The following ANXA8 variants were observed in gnomAD, a reference collection of about 807,000 sequenced individuals.
The protein encoded by ANXA8 is annexin A8, also known as VAC-beta.
In ANXA8, 9 loss-of-function variants were observed where a neutral mutation model predicts 26.8. The observed-to-expected ratio is 0.34, with a 90% CI of 0.20 to 0.59. ANXA8 has a LOEUF of 0.59. Among genes scored for constraint, ANXA8 ranks in the 20% least tolerant of loss-of-function variants. ANXA8 has a pLI of 0.84. For synonymous variants in ANXA8, 39 were observed against 94.8 expected, an observed-to-expected ratio of 0.41 and a Z score of 3.42; for missense variants, 83 against 238.5, an observed-to-expected ratio of 0.35 and a Z score of 4.29.
chr10:47,700,585 G>T, the ANXA8 span, among the ~76,000 whole-genome samples: 2 of 151,686 alleles, frequency 1.3e-5, no homozygotes, highest in South Asian at 4.2e-4. Context: ...TGTAATCTTG[G>T]TGTAGGGAAA....
At chr10:47,653,061 C>A in the ANXA8 span, among the ~76,000 whole-genome samples, 1 of 150,906 alleles carries the variant, frequency 6.6e-6, no homozygotes, top group South Asian at 2.1e-4. Flanking sequence ...CCTATAATCC[C>A]AGCACTTTGG....
At chr10:47,955,061 G>A in the ANXA8 span, among the ~76,000 whole-genome samples, 1 of 146,034 alleles carries the variant, frequency 6.8e-6, no homozygotes, top group African/African-American at 2.5e-5. Flanking sequence ...CCCAGTGGAG[G>A]GCAATGGAAT....
chr10:47,484,192 A>G, upstream of ANXA8: 3 of 775,230 alleles, frequency 3.9e-6, no homozygotes, highest in Non-Finnish European at 6.8e-6. Flanking sequence ...GAATTACACA[A>G]CTCACTGGCA....
chr10:47,563,552 T>C, the ANXA8 span: 9 of 829,464 alleles, frequency 1.1e-5, no homozygotes, highest in South Asian at 1.2e-4. Context: ...GTTCTAAATA[T>C]ATCCCCTTCT....
the ANXA8 span, among the ~76,000 whole-genome samples, chr10:47,749,675 G>C: frequency 6.6e-6 from 1 of 151,072 alleles, no homozygotes; most frequent in African/African-American, 2.5e-5. Context: ...CAATGGTAGG[G>C]GGGGAAACGG....
the ANXA8 span, among the ~76,000 whole-genome samples, chr10:47,666,476 C>G: frequency 6.6e-6 from 1 of 151,704 alleles, no homozygotes; most frequent in Non-Finnish European, 1.5e-5. Flanking sequence ...ACTTGACAGA[C>G]CAGGGAGCAG....
the ANXA8 span, among the ~76,000 whole-genome samples, chr10:47,633,336 T>TCA: frequency 2.1e-5 from 2 of 94,982 alleles, no homozygotes; most frequent in African/African-American, 5.5e-5. Flanking sequence ...ACCCGTACGT[T>TCA]CACACACACA....
chr10:47,503,939 A>G, the ANXA8 span, among the ~76,000 whole-genome samples: 3 of 28,750 alleles, frequency 1.0e-4, no homozygotes, highest in African/African-American at 3.9e-4. Context: ...GAGTCCATCA[A>G]AAAAAAAAAA....
At chr10:47,566,310 C>A in the ANXA8 span, among the ~76,000 whole-genome samples, 2 of 150,886 alleles carry the variant, frequency 1.3e-5, no homozygotes, top group Non-Finnish European at 1.5e-5. Flanking sequence ...CCTCCCTGAT[C>A]CCCCGCCCCA....
the ANXA8 span, chr10:47,564,515 G>A: frequency 2.0e-5 from 15 of 767,230 alleles, no homozygotes; most frequent in Non-Finnish European, 3.2e-5. Flanking sequence ...AGGACGTGGT[G>A]GTCTATGACC....
chr10:47,755,565 T>TC, the ANXA8 span, among the ~76,000 whole-genome samples: 1 of 140,612 alleles, frequency 7.1e-6, no homozygotes, highest in East Asian at 2.1e-4. Flanking sequence ...CTTTTTTTTT[T>TC]TTTTTTTTTT....
At chr10:47,651,472 G>A in the ANXA8 span, among the ~76,000 whole-genome samples, 2 of 150,844 alleles carry the variant, frequency 1.3e-5, no homozygotes, top group African/African-American at 4.9e-5. Context: ...CCATTCCTAG[G>A]TCATCCCAAG....
At chr10:47,742,838 ATTCTCCCCT>A in the ANXA8 span, among the ~76,000 whole-genome samples, 4 of 137,756 alleles carry the variant, frequency 2.9e-5, no homozygotes, top group African/African-American at 1.1e-4. Flanking sequence ...AAAGATGTCA[ATTCTCCCCT>A]GAATTGACTT....
chr10:47,674,142 C>CT, the ANXA8 span, among the ~76,000 whole-genome samples: 5 of 149,954 alleles, frequency 3.3e-5, no homozygotes, highest in African/African-American at 4.9e-5. Flanking sequence ...ATTTGCTTTC[C>CT]TTTTTTTGAG....
the ANXA8 span, among the ~76,000 whole-genome samples, chr10:47,947,992 G>T: frequency 6.6e-6 from 1 of 150,914 alleles, no homozygotes; most frequent in Admixed American, 6.6e-5. Flanking sequence ...GAGCGTCCTT[G>T]TAGAAAATCT....
At chr10:47,777,045 A>T in the ANXA8 span, among the ~76,000 whole-genome samples, 27 of 152,018 alleles carry the variant, frequency 1.8e-4, 1 homozygote, top group African/African-American at 6.5e-4. Flanking sequence ...TTACTTGGCC[A>T]AATATAGCTT....
the ANXA8 span, among the ~76,000 whole-genome samples, chr10:47,941,393 G>A: frequency 8.9e-5 from 13 of 146,762 alleles, no homozygotes; most frequent in African/African-American, 2.1e-4. Flanking sequence ...GGTGGCTCAC[G>A]TCTGTAATCC....
At chr10:47,663,288 G>A in the ANXA8 span, among the ~76,000 whole-genome samples, 1 of 148,466 alleles carries the variant, frequency 6.7e-6, no homozygotes, top group Non-Finnish European at 1.5e-5. Context: ...TGCTGCTGTC[G>A]CTCACTGGTG....
At chr10:47,735,674 T>C in the ANXA8 span, among the ~76,000 whole-genome samples, 1 of 151,342 alleles carries the variant, frequency 6.6e-6, no homozygotes, top group South Asian at 2.1e-4. Flanking sequence ...AGAGACATTC[T>C]GTTAACCAGG....
Sources: gnomAD v4.1 joint callset for allele counts (sites outside exome capture counted in the v4.1 genomes callset) on GRCh38, gnomAD v4.1.1 for gene constraint, MANE v1.5 for transcripts, NCBI Gene and HGNC (gene_info 2026-07-23, HGNC 2026-07-21) for gene names.